Variants in LRBA observed in about 807,000 individuals in gnomAD.
The protein encoded by LRBA is lipopolysaccharide-responsive and beige-like anchor protein.
Under a neutral mutation model 330.0 loss-of-function variants are expected in LRBA, and 176 were observed. That is an observed-to-expected ratio of 0.53 (90% CI 0.47 to 0.60). The LOEUF is 0.60. Among genes scored for constraint, LRBA ranks in the 20% least tolerant of loss-of-function variants. The probability of loss-of-function intolerance (pLI) is 0.00; values close to 1 mark genes in which losing one functional copy is unlikely to be tolerated. For synonymous variants in LRBA, 1,230 were observed against 1,193.0 expected, an observed-to-expected ratio of 1.03 and a Z score of -0.64; for missense variants, 3,259 against 3,444.8, an observed-to-expected ratio of 0.95 and a Z score of 1.35.
rs180975021 is a variant in LRBA at position 150,838,682 on chromosome 4, T to A, written c.4569+5418A>T. ...CTTCTCTACACTGGTTATTCTAGTT[T>A]GCCATTCGTCTAATCTTTTTTCAAG... On this transcript the variant is annotated intron_variant, in intron 28 of 56. Coordinates refer to ENST00000651943, the MANE Select transcript of LRBA (RefSeq NM_001364905.1). Among the ~76,000 whole-genome samples the A allele has an allele frequency of 7.5e-3, 1,139 of 152,290 alleles. 10 individuals carry two copies. Among genetic ancestry groups the A allele is most frequent in the African/African-American group, 0.025 (1,053 of 41,572 alleles).
chr4:151,010,805 A>G (rs920181133), intron 2 of LRBA, among the ~76,000 whole-genome samples: 3 of 151,344 alleles, frequency 2.0e-5, no homozygotes, highest in Non-Finnish European at 4.4e-5. Flanking sequence ...AATTGCTTGA[A>G]TCCGAGCAGC....
At chr4:150,818,838 G>T (rs1219436388) in intron 30 of LRBA, among the ~76,000 whole-genome samples, 1 of 151,986 alleles carries the variant, frequency 6.6e-6, no homozygotes, top group South Asian at 2.1e-4. Flanking sequence ...TTAGAAAAGT[G>T]CAATTGCTTT....
intron 47 of LRBA, among the ~76,000 whole-genome samples, chr4:150,384,705 A>G (rs1742796628): frequency 6.6e-6 from 1 of 152,224 alleles, no homozygotes; most frequent in Admixed American, 6.5e-5. Context: ...AAGGCTAGAG[A>G]AAAAGAATTC....
intron 40 of LRBA, among the ~76,000 whole-genome samples, chr4:150,554,028 G>A (rs1244678705): frequency 6.6e-6 from 1 of 152,004 alleles, no homozygotes; most frequent in African/African-American, 2.4e-5. Flanking sequence ...GATGTCTAGT[G>A]ATAAACCTTG....
intron 38 of LRBA, among the ~76,000 whole-genome samples, chr4:150,598,683 G>C (rs1206898787): frequency 6.6e-6 from 1 of 152,130 alleles, no homozygotes; most frequent in Non-Finnish European, 1.5e-5. Context: ...GATATTCATG[G>C]ATTTAAGGCA....
intron 5 of LRBA, among the ~76,000 whole-genome samples, chr4:150,919,475 T>C (rs1733010204): frequency 6.6e-6 from 1 of 152,194 alleles, no homozygotes; most frequent in South Asian, 2.1e-4. Flanking sequence ...TTATATGTAT[T>C]AGATAAGACA....
chr4:150,660,459 G>A (rs1373481494), intron 37 of LRBA, among the ~76,000 whole-genome samples: 3 of 151,018 alleles, frequency 2.0e-5, no homozygotes, highest in Non-Finnish European at 3.0e-5. Flanking sequence ...CCGGCCAGCC[G>A]CCCCGTCCGG....
intron 2 of LRBA, among the ~76,000 whole-genome samples, chr4:150,931,600 CAAAAAA>C (rs367728964): frequency 2.0e-5 from 2 of 98,550 alleles, no homozygotes; most frequent in Non-Finnish European, 4.4e-5. Context: ...TCTCCATATT[CAAAAAA>C]AAAAAAAAAA....
At chr4:150,885,975 C>T (rs1395269574) in intron 17 of LRBA, among the ~76,000 whole-genome samples, 1 of 152,062 alleles carries the variant, frequency 6.6e-6, no homozygotes, top group Non-Finnish European at 1.5e-5. Context: ...AAAGAATATA[C>T]TGTAAAACCA....
At chr4:151,007,954 C>A (rs1744307685) in intron 2 of LRBA, among the ~76,000 whole-genome samples, 1 of 151,584 alleles carries the variant, frequency 6.6e-6, no homozygotes, top group Non-Finnish European at 1.5e-5. Context: ...AATTTAGCAG[C>A]TAAAACTATA....
chr4:150,834,444 T>C (rs1260523753), intron 28 of LRBA, among the ~76,000 whole-genome samples: 1 of 152,190 alleles, frequency 6.6e-6, no homozygotes, highest in Admixed American at 6.6e-5. Context: ...ATAACATGAA[T>C]CTCCTTGTAT....
chr4:150,511,980 C>T (rs1561285943), intron 40 of LRBA, among the ~76,000 whole-genome samples: 1 of 152,208 alleles, frequency 6.6e-6, no homozygotes, highest in Non-Finnish European at 1.5e-5. Context: ...GTCTCCCTCA[C>T]TAGACAATTA....
At chr4:150,588,748 ACTT>A (rs1772435884) in intron 39 of LRBA, among the ~76,000 whole-genome samples, 1 of 152,214 alleles carries the variant, frequency 6.6e-6, no homozygotes, top group Non-Finnish European at 1.5e-5. Context: ...TGGTAAAAAT[ACTT>A]CTTTTCTAAG....
At chr4:150,868,091 A>G in intron 21 of LRBA, 91 bp downstream of exon 21, 1 of 1,297,756 alleles carries the variant, frequency 7.7e-7, no homozygotes, top group Non-Finnish European at 1.1e-6. Flanking sequence ...ATCATTTCAC[A>G]GTATTTTTAA....
chr4:150,683,439 A>C (rs1213998201), intron 37 of LRBA, 112 bp downstream of exon 37: 1 of 852,570 alleles, frequency 1.2e-6, no homozygotes, highest in Non-Finnish European at 1.9e-6. Flanking sequence ...GATGAAAGAC[A>C]AAATTAAATT....
intron 38 of LRBA, among the ~76,000 whole-genome samples, 187 bp downstream of exon 38, chr4:150,598,820 T>C (rs1773794705): frequency 6.6e-6 from 1 of 152,228 alleles, no homozygotes; most frequent in Admixed American, 6.5e-5. Context: ...TTAATAAATA[T>C]ACTTGACACC....
chr4:150,680,288 A>G (rs897971935), intron 37 of LRBA, among the ~76,000 whole-genome samples: 1 of 152,254 alleles, frequency 6.6e-6, no homozygotes, highest in Non-Finnish European at 1.5e-5. Flanking sequence ...GGGCACAGTT[A>G]TCAGAGCTCC....
Position 150,828,368 on chromosome 4 carries a change from G to A in LRBA, c.4983C>T (p.Asp1661=). The A allele has an allele frequency of 2.5e-6, 4 of 1,614,074 alleles. No individual in the cohort carries two copies. Among genetic ancestry groups the A allele is most frequent in the East Asian group, 2.2e-5 (1 of 44,880 alleles). Reference sequence around the variant, plus strand: ...CTGACGGTGTAGCCTTAGTGTCCAAGTCATTTCCTCTATCATTTTTGGTTT... The same window carrying A: ...CTGACGGTGTAGCCTTAGTGTCCAAATCATTTCCTCTATCATTTTTGGTTT... ...SPETKNDRGN[D]LDTKATPSVS... Residue 1661 remains aspartate (D), a synonymous_variant, in exon 30 of 57, where the codon GAC becomes GAT. Transcript: ENST00000651943.
At chr4:150,858,013 A>T (rs547628037) in intron 22 of LRBA, among the ~76,000 whole-genome samples, 2 of 152,294 alleles carry the variant, frequency 1.3e-5, no homozygotes, top group African/African-American at 4.8e-5. Flanking sequence ...TGTATAGAAG[A>T]GAAGACTAAA....
Sources: gnomAD v4.1 joint callset for allele counts (sites outside exome capture counted in the v4.1 genomes callset) on GRCh38, gnomAD v4.1.1 for gene constraint, MANE v1.5 for transcripts, NCBI Gene and HGNC (gene_info 2026-07-23, HGNC 2026-07-21) for gene names.